The following MFHAS1 variants were observed in gnomAD, a reference collection of about 807,000 sequenced individuals.
MFHAS1 encodes multifunctional ROCO family signaling regulator 1.
In MFHAS1, 50 loss-of-function variants were observed where a neutral mutation model predicts 70.4. The observed-to-expected ratio is 0.71, with a 90% confidence interval of 0.57 to 0.90. MFHAS1 has a LOEUF of 0.90. Ranked by LOEUF, MFHAS1 falls within the 40% of genes least tolerant of loss-of-function variation. MFHAS1 has a pLI of 0.00. For synonymous variants in MFHAS1, 952 were observed against 620.0 expected (o/e 1.54, Z -7.96); for missense variants, 1,795 against 1,347.6 (o/e 1.33, Z -5.20).
chr8:8,867,447 T>A (rs541646788), intron 1 of MFHAS1, among the ~76,000 whole-genome samples: 29 of 152,200 alleles, frequency 1.9e-4, no homozygotes, highest in South Asian at 1.4e-3. Context: ...ATTTTTTTTA[T>A]AAAAACAATG....
intron 1 of MFHAS1, among the ~76,000 whole-genome samples, chr8:8,806,053 A>G (rs949483541): frequency 8.5e-5 from 13 of 152,140 alleles, no homozygotes; most frequent in South Asian, 4.1e-4. Flanking sequence ...TACAAATCCA[A>G]TCCTCTGTAG....
chr8:8,818,598 T>C (rs1263045423), intron 1 of MFHAS1, among the ~76,000 whole-genome samples: 4 of 152,246 alleles, frequency 2.6e-5, no homozygotes, highest in Non-Finnish European at 4.4e-5. Context: ...ATGGACCTTA[T>C]AGGAACACTA....
chr8:8,855,096 C>A (rs905882070), intron 1 of MFHAS1, among the ~76,000 whole-genome samples: 1 of 151,994 alleles, frequency 6.6e-6, no homozygotes. Context: ...GGTTCTAGGG[C>A]CCCCACCCCC....
rs187778261 is a variant in MFHAS1, at chr8:8,794,043, A to C, written c.3125+3322T>G. Among the ~76,000 whole-genome samples the C allele has an allele frequency of 3.0e-4, 45 of 152,228 alleles. 1 individual carries two copies. In the East Asian group the frequency reaches 8.5e-3, roughly 29 times the overall value. ...TCTCTACCAAAAAATACAAAAAATT[A>C]GCTAGGTGTGGTTGTGTGCGCCTGT... On this transcript the variant is annotated intron_variant, in intron 2 of 2. Coordinates refer to ENST00000276282, the MANE Select transcript of MFHAS1 (RefSeq NM_004225.3).
intron 1 of MFHAS1, among the ~76,000 whole-genome samples, chr8:8,842,508 C>G (rs1186229970): frequency 6.6e-6 from 1 of 152,140 alleles, no homozygotes; most frequent in Non-Finnish European, 1.5e-5. Flanking sequence ...ATTTTGAATG[C>G]TAACATTTCC....
chr8:8,850,864 C>A (rs1177808005), intron 1 of MFHAS1, among the ~76,000 whole-genome samples: 1 of 151,752 alleles, frequency 6.6e-6, no homozygotes, highest in Non-Finnish European at 1.5e-5. Flanking sequence ...CAGGTCAGCA[C>A]CCGCTACACA....
intron 1 of MFHAS1, among the ~76,000 whole-genome samples, chr8:8,882,200 G>A (rs142307343): frequency 2.1e-3 from 323 of 152,084 alleles, no homozygotes; most frequent in Admixed American, 3.3e-3. Flanking sequence ...CACTAACATA[G>A]TGAAACCCCC....
At chr8:8,874,367 CA>C (rs1809207928) in intron 1 of MFHAS1, among the ~76,000 whole-genome samples, 1 of 133,088 alleles carries the variant, frequency 7.5e-6, no homozygotes, top group African/African-American at 2.8e-5. Context: ...CACACACACA[CA>C]CACACATAAT....
chr8:8,890,270 C>A lies in MFHAS1; in HGVS notation c.2789G>T (p.Arg930Ile). 3 of 1,614,178 alleles carry A rather than the reference C, an allele frequency of 1.9e-6. No individual in the cohort carries two copies. The highest frequency in any genetic ancestry group is 1.3e-5 in the African/African-American group (1 of 75,046). ...RGKVPVVVSY[R>I]PARGVLQPDT... ...TGGCTGCAGGACTCCCCTGGCAGGT[C>A]TGTAACTCACAACCACAGGAACTTT... The change falls in exon 1 of 3, where the codon AGA becomes ATA. Residue 930 changes from arginine to isoleucine, a missense_variant. Transcript: ENST00000276282.
intron 1 of MFHAS1, among the ~76,000 whole-genome samples, chr8:8,862,919 C>G (rs1031829090): frequency 1.4e-4 from 22 of 152,192 alleles, no homozygotes; most frequent in Non-Finnish European, 2.9e-5. Context: ...AAAATCTTTG[C>G]CCGTCTGAAG....
At chr8:8,862,365 C>G (rs1017003784) in intron 1 of MFHAS1, among the ~76,000 whole-genome samples, 2 of 146,716 alleles carry the variant, frequency 1.4e-5, no homozygotes, top group African/African-American at 5.0e-5. Flanking sequence ...TCATGTTTAA[C>G]TGGGTTGTCT....
rs1563199569 is a variant in MFHAS1, at chr8:8,842,192, CTTTTTTTTTTT to C, written c.2999-44712_2999-44702del. On this transcript the variant is annotated intron_variant, in intron 1 of 2. Coordinates refer to ENST00000276282, the MANE Select transcript of MFHAS1 (RefSeq NM_004225.3). ...AACTTCACAGGTCTGATTTTCTTTT[CTTTTTTTTTTT>C]GAAACGGAATTTCGCTCTGTTGCCC... is the stretch of plus-strand genomic sequence containing the variant. Among the ~76,000 whole-genome samples, 3 of 147,168 alleles carry C rather than the reference CTTTTTTTTTTT, an allele frequency of 2.0e-5. No homozygotes were observed. The East Asian group carries it at 6.0e-4, about 29-fold the overall frequency.
chr8:8,822,738 A>T (rs542628207), intron 1 of MFHAS1, among the ~76,000 whole-genome samples: 1 of 113,024 alleles, frequency 8.8e-6, no homozygotes, highest in Non-Finnish European at 1.8e-5. Context: ...GACTGAGATG[A>T]GGACAGGGAA....
chr8:8,853,911 CT>C (rs1394086111), intron 1 of MFHAS1, among the ~76,000 whole-genome samples: 1 of 152,194 alleles, frequency 6.6e-6, no homozygotes, highest in Non-Finnish European at 1.5e-5. Context: ...ATGGTCCATA[CT>C]CACTAACACA....
At chr8:8,815,289 C>T (rs1036564766) in intron 1 of MFHAS1, among the ~76,000 whole-genome samples, 2 of 152,042 alleles carry the variant, frequency 1.3e-5, no homozygotes, top group Non-Finnish European at 2.9e-5. Flanking sequence ...GGGTTGATTC[C>T]ACGTCTTTGT....
chr8:8,844,904 CAAG>C lies in MFHAS1; in HGVS notation c.2998+45154_2998+45156del, dbSNP rs555254892. On this transcript the variant is annotated intron_variant, in intron 1 of 2. Coordinates refer to ENST00000276282, the MANE Select transcript of MFHAS1 (RefSeq NM_004225.3). ...GTCAGTGAGGTTGTTGCTGTATTTT[CAAG>C]AAGAAGGCCCAAAACTATCTGCATG... 3.3e-3 allele frequency among the ~76,000 whole-genome samples: 506 copies of C among 152,234 alleles called. 3 individuals are homozygous for C. The highest frequency in any genetic ancestry group is 5.5e-3 in the Non-Finnish European group (375 of 68,016).
intron 1 of MFHAS1, among the ~76,000 whole-genome samples, chr8:8,875,581 T>G (rs1335911909): frequency 6.6e-6 from 1 of 152,144 alleles, no homozygotes; most frequent in African/African-American, 2.4e-5. Context: ...CTTTTTTTTC[T>G]TCTACTCTCC....
intron 1 of MFHAS1, among the ~76,000 whole-genome samples, chr8:8,876,330 A>G (rs989671526): frequency 6.6e-6 from 1 of 152,186 alleles, no homozygotes; most frequent in Admixed American, 6.5e-5. Flanking sequence ...ATATAACCTA[A>G]GACTTAAAAA....
chr8:8,890,358 G>T lies in MFHAS1; in HGVS notation c.2701C>A (p.Gln901Lys). 6.2e-7 allele frequency: 1 copy of T among 1,614,160 alleles called. No individual in the cohort carries two copies. Among genetic ancestry groups the T allele is most frequent in the Non-Finnish European group, 8.5e-7 (1 of 1,180,034 alleles). Residue 901 changes from glutamine (Q) to lysine (K), a missense_variant, in exon 1 of 3, where the codon CAG (glutamine) becomes AAG (lysine). Transcript: ENST00000276282. ...CTGTGCACCACATGGCTGTTGATCT[G>T]GACACTGTAGCGTGCAAACAACCCA... ...PLGLFARYSV[Q>K]INSHVVHRSD...
Sources: allele counts gnomAD v4.1 joint callset (sites outside exome capture counted in the v4.1 genomes callset), GRCh38; gene constraint gnomAD v4.1.1; transcripts MANE v1.5; gene names NCBI Gene and HGNC (gene_info 2026-07-23, HGNC 2026-07-21).